Variants in NRG3 observed in about 807,000 individuals in gnomAD.
The protein encoded by NRG3 is pro-neuregulin-3, membrane-bound isoform.
Under a neutral mutation model 66.9 loss-of-function variants are expected in NRG3, and 31 were observed. The ratio of observed to expected loss-of-function variants is 0.46; its 90% CI spans 0.35 to 0.63. The LOEUF is 0.63. Among genes scored for constraint, NRG3 ranks in the 20% least tolerant of loss-of-function variants. The probability of loss-of-function intolerance (pLI) is 0.00; values close to 1 mark genes in which losing one functional copy is unlikely to be tolerated. For missense variants in NRG3, 910 were observed against 878.9 expected (o/e 1.04, Z -0.45); for synonymous variants, 393 against 359.4 (o/e 1.09, Z -1.06).
chr10:82,472,088 T>G (rs548603888), intron 2 of NRG3, among the ~76,000 whole-genome samples: 1 of 152,118 alleles, frequency 6.6e-6, no homozygotes, highest in South Asian at 2.1e-4. Flanking sequence ...AAATCCTGTC[T>G]CTTGCTCCTA....
chr10:81,981,753 A>C (rs953614490), intron 1 of NRG3, among the ~76,000 whole-genome samples: 11 of 152,214 alleles, frequency 7.2e-5, no homozygotes, highest in Non-Finnish European at 5.9e-5. Flanking sequence ...ACATATGTTT[A>C]CAGCCATTTA....
chr10:82,461,306 A>G (rs2091502661), intron 2 of NRG3, among the ~76,000 whole-genome samples: 1 of 151,830 alleles, frequency 6.6e-6, no homozygotes. Flanking sequence ...CATCATTGCT[A>G]TCATCAACAC....
chr10:81,875,608 G>A lies in NRG3; in HGVS notation c.268G>A (p.Val90Met), dbSNP rs1185237268. The A allele has an allele frequency of 1.9e-6, 3 of 1,613,586 alleles. No individual in the cohort carries two copies. Among genetic ancestry groups the A allele is most frequent in the Non-Finnish European group, 2.5e-6 (3 of 1,179,920 alleles). ...GLSLMLLKWI[V>M]VGSVKEYVPT... ...CAGCCTCATGCTTCTCAAATGGATC[G>A]TGGTGGGCTCCGTCAAGGAGTACGT... Residue 90 changes from valine to methionine, a missense_variant, in exon 1 of 9, where the codon GTG (valine) becomes ATG (methionine). Coordinates refer to ENST00000372141, the MANE Select transcript of NRG3 (RefSeq NM_001010848.4). The surrounding 1 kb of genome is among the most constrained non-coding windows in gnomAD (Gnocchi z 5.3).
intron 3 of NRG3, among the ~76,000 whole-genome samples, chr10:82,813,683 G>A (rs2061589113): frequency 2.0e-5 from 3 of 151,936 alleles, no homozygotes; most frequent in Admixed American, 2.0e-4. Context: ...TTAATTAAAC[G>A]GGCTGTCTTT....
At chr10:81,952,996 G>A (rs1056067621) in intron 1 of NRG3, among the ~76,000 whole-genome samples, 1 of 152,088 alleles carries the variant, frequency 6.6e-6, no homozygotes, top group African/African-American at 2.4e-5. Flanking sequence ...CTCATCTGCA[G>A]CAGGCCCTGC....
intron 2 of NRG3, among the ~76,000 whole-genome samples, chr10:82,442,947 G>A (rs1437444565): frequency 6.6e-6 from 1 of 151,896 alleles, no homozygotes; most frequent in African/African-American, 2.4e-5. Flanking sequence ...GGCTCAGTAT[G>A]TGTCTTTCCT....
chr10:82,966,441 T>C (rs1314680424), intron 6 of NRG3, among the ~76,000 whole-genome samples: 1 of 152,218 alleles, frequency 6.6e-6, no homozygotes, highest in Non-Finnish European at 1.5e-5. Context: ...TAGAAATTTT[T>C]AAAGTGCCAT....
chr10:82,745,656 T>C (rs1354431368), intron 3 of NRG3, among the ~76,000 whole-genome samples: 1 of 152,200 alleles, frequency 6.6e-6, no homozygotes, highest in Non-Finnish European at 1.5e-5. Context: ...TATTTTTATA[T>C]ATTTGATTGC....
At chr10:82,651,723 G>A (rs537583016) in intron 2 of NRG3, among the ~76,000 whole-genome samples, 2 of 152,334 alleles carry the variant, frequency 1.3e-5, no homozygotes, top group East Asian at 1.9e-4. Flanking sequence ...CAACTGGGAG[G>A]TGGGGGTAAT....
chr10:82,867,288 A>G (rs1439767702), intron 4 of NRG3, among the ~76,000 whole-genome samples: 7 of 152,236 alleles, frequency 4.6e-5, no homozygotes. Context: ...AACTGCATCT[A>G]GCCAGCAGAT....
intron 1 of NRG3, among the ~76,000 whole-genome samples, chr10:82,312,775 T>C (rs538686365): frequency 1.3e-5 from 2 of 151,926 alleles, no homozygotes; most frequent in African/African-American, 4.8e-5. Flanking sequence ...CCTTAGAGCT[T>C]TCTTTTTTTT....
intron 3 of NRG3, among the ~76,000 whole-genome samples, chr10:82,855,664 C>T (rs1011379107): frequency 6.6e-6 from 1 of 152,034 alleles, no homozygotes; most frequent in African/African-American, 2.4e-5. Flanking sequence ...TCCCAAAGTG[C>T]TAGGATTGCA....
At chr10:82,881,840 TTTC>T (rs775359621) in intron 4 of NRG3, among the ~76,000 whole-genome samples, 5 of 152,174 alleles carry the variant, frequency 3.3e-5, no homozygotes, top group Non-Finnish European at 7.3e-5. Flanking sequence ...ATGTTTTTCC[TTTC>T]TTCATTTCCT....
intron 1 of NRG3, among the ~76,000 whole-genome samples, chr10:81,915,907 G>T (rs2132810984): frequency 6.6e-6 from 1 of 152,064 alleles, no homozygotes; most frequent in Middle Eastern, 3.4e-3. Context: ...CCCGTCTCTT[G>T]GTCAAGATGA....
At chr10:82,773,228 A>G (rs1179710532) in intron 3 of NRG3, among the ~76,000 whole-genome samples, 1 of 152,052 alleles carries the variant, frequency 6.6e-6, no homozygotes, top group African/African-American at 2.4e-5. Flanking sequence ...TCACTTTCCA[A>G]CTGGGTTCAC....
At chr10:81,886,555 C>T (rs1842630015) in intron 1 of NRG3, among the ~76,000 whole-genome samples, 1 of 152,038 alleles carries the variant, frequency 6.6e-6, no homozygotes, top group Non-Finnish European at 1.5e-5. Context: ...CCACAATAAA[C>T]TAAACTGGAA....
At chr10:82,297,684 A>T (rs1490438831) in intron 1 of NRG3, among the ~76,000 whole-genome samples, 1 of 152,144 alleles carries the variant, frequency 6.6e-6, no homozygotes, top group Non-Finnish European at 1.5e-5. Context: ...CATAATGTAT[A>T]AATATAGGTT....
In NRG3 at chr10:82,959,109, C is replaced by G. The variant is rs752371199; in HGVS notation, c.1284+34C>G. On this transcript the variant is annotated intron_variant, in intron 6 of 8. Transcript: ENST00000372141. ...CATGTCTACACACCTCCTCCTATAG[C>G]CTACCTCAGTGCTTCCAGCTCAGAG... The G allele has an allele frequency of 2.6e-6, 4 of 1,540,696 alleles. No homozygotes were observed. The Admixed American group carries it at 6.7e-5, about 26-fold the overall frequency.
chr10:82,165,308 A>G (rs905165877), intron 1 of NRG3, among the ~76,000 whole-genome samples: 4 of 152,112 alleles, frequency 2.6e-5, no homozygotes, highest in African/African-American at 9.7e-5. Context: ...TCCATATCAG[A>G]CACCTAATGA....
Sources: gnomAD v4.1 joint callset for allele counts (sites outside exome capture counted in the v4.1 genomes callset) on GRCh38, gnomAD v4.1.1 for gene constraint, Gnocchi (gnomAD v3.1) non-coding constraint, MANE v1.5 for transcripts, NCBI Gene and HGNC (gene_info 2026-07-23, HGNC 2026-07-21) for gene names.